The following MSRB3 variants were observed in gnomAD, a reference collection of about 807,000 sequenced individuals.
The protein encoded by MSRB3 is methionine-R-sulfoxide reductase B3.
MSRB3 carries 13 observed loss-of-function variants against 21.0 expected under a neutral mutation model. That is an observed-to-expected ratio of 0.62 (90% CI 0.40 to 0.98). The LOEUF (loss-of-function observed/expected upper bound fraction) is 0.98. MSRB3 is among the 50% of genes least tolerant of loss of function. The pLI, the probability that MSRB3 is intolerant of heterozygous loss-of-function variation, is 0.00. For missense variants in MSRB3, 199 were observed against 230.3 expected, an observed-to-expected ratio of 0.86 and a Z score of 0.88; for synonymous variants, 87 against 88.6, an observed-to-expected ratio of 0.98 and a Z score of 0.10.
intron 5 of MSRB3, 40 bp from the exon 6 acceptor site, chr12:65,453,688 T>C (rs1555214703): frequency 6.9e-7 from 1 of 1,442,180 alleles, no homozygotes; most frequent in South Asian, 1.1e-5. Context: ...GCTGTGTATC[T>C]CTCCTCTCTG....
At chr12:65,330,174 T>TA (rs1396575658) in intron 4 of MSRB3, among the ~76,000 whole-genome samples, 1 of 152,202 alleles carries the variant, frequency 6.6e-6, no homozygotes, top group Non-Finnish European at 1.5e-5. Context: ...AAAGAAAACT[T>TA]ACTGTTTTAA....
intron 5 of MSRB3, chr12:65,419,025 C>G (rs1057389023): frequency 1.3e-5 from 9 of 711,448 alleles, no homozygotes; most frequent in African/African-American, 1.2e-4. Context: ...GCAGGGTGTA[C>G]CAGGCCTCCA....
At chr12:65,419,579 C>A in intron 5 of MSRB3, 1 of 732,238 alleles carries the variant, frequency 1.4e-6, no homozygotes, top group Non-Finnish European at 2.5e-6. Context: ...ACAATGTGGA[C>A]ATTGTCCACA....
At chr12:65,451,932 C>T (rs967424844) in intron 5 of MSRB3, among the ~76,000 whole-genome samples, 3 of 152,180 alleles carry the variant, frequency 2.0e-5, no homozygotes, top group Non-Finnish European at 2.9e-5. Flanking sequence ...TGAATTTAGA[C>T]TCTGCCTTCA....
chr12:65,439,075 A>T (rs1882251610), intron 5 of MSRB3, among the ~76,000 whole-genome samples: 1 of 151,870 alleles, frequency 6.6e-6, no homozygotes, highest in Non-Finnish European at 1.5e-5. Context: ...ACAAAGTATA[A>T]AGAAAGCTTT....
chr12:65,368,553 T>C (rs1878140965), intron 4 of MSRB3, among the ~76,000 whole-genome samples: 1 of 152,192 alleles, frequency 6.6e-6, no homozygotes, highest in Non-Finnish European at 1.5e-5. Context: ...TTATTAAATG[T>C]ATGGGGTTAC....
intron 5 of MSRB3, among the ~76,000 whole-genome samples, chr12:65,450,965 T>C (rs1375421707): frequency 6.6e-6 from 1 of 151,958 alleles, no homozygotes; most frequent in Non-Finnish European, 1.5e-5. Context: ...TTGATTGTCA[T>C]TAAGTACTTA....
intron 1 of MSRB3, 198 bp downstream of exon 1, chr12:65,279,063 C>A (rs558820267): frequency 1.1e-5 from 16 of 1,419,196 alleles, no homozygotes; most frequent in Non-Finnish European, 1.5e-5. Context: ...AGGGGCCGAA[C>A]GGAAGGAGGT....
rs1361909784 is a variant in MSRB3 at position 65,463,745 on chromosome 12, G to A, written c.*423G>A. 9.6e-6 allele frequency: 2 copies of A among 209,274 alleles called. No individual in the cohort carries two copies. The highest frequency in any genetic ancestry group is 1.3e-4 in the East Asian group (1 of 7,738). The allele number at this position is 209,274 out of a possible 1,614,324, so 13.0% of individuals were successfully genotyped here. ...AGACCTGCAAGACACATGGCCTTGA[G>A]GCCTTTGCACAGACCCACCTAAGAT... On this transcript the variant is annotated 3_prime_UTR_variant, in exon 7 of 7. Transcript: ENST00000308259.
At chr12:65,369,178 C>T in intron 5 of MSRB3, 152 bp downstream of exon 5, 1 of 641,086 alleles carries the variant, frequency 1.6e-6, no homozygotes, top group East Asian at 2.8e-5. Flanking sequence ...GGGCTATTGA[C>T]TGCATCAAAT....
intron 5 of MSRB3, among the ~76,000 whole-genome samples, chr12:65,412,751 C>T (rs1880780939): frequency 6.6e-6 from 1 of 151,966 alleles, no homozygotes; most frequent in East Asian, 1.9e-4. Flanking sequence ...AAGAACTGTC[C>T]AAAACTGGGT....
At chr12:65,350,209 C>A (rs1345011095) in intron 4 of MSRB3, among the ~76,000 whole-genome samples, 1 of 151,366 alleles carries the variant, frequency 6.6e-6, no homozygotes, top group Non-Finnish European at 1.5e-5. Context: ...TGTCAAAGAT[C>A]AGATAGTTGT....
intron 1 of MSRB3, among the ~76,000 whole-genome samples, chr12:65,288,307 CAA>C (rs921177297): frequency 1.4e-3 from 86 of 63,590 alleles, no homozygotes; most frequent in Middle Eastern, 0.015. Context: ...GTCCCCCCCG[CAA>C]AAAAAAAAAA....
chr12:65,293,016 G>T (rs921664715), intron 1 of MSRB3, among the ~76,000 whole-genome samples: 2 of 152,090 alleles, frequency 1.3e-5, no homozygotes, highest in African/African-American at 4.8e-5. Flanking sequence ...GTATTCATTT[G>T]CCTCTATATT....
At chr12:65,294,562 A>G (rs934474547) in intron 1 of MSRB3, among the ~76,000 whole-genome samples, 2 of 151,946 alleles carry the variant, frequency 1.3e-5, no homozygotes, top group African/African-American at 4.8e-5. Flanking sequence ...TACTTATTTT[A>G]TTGCCACCTT....
At chr12:65,437,107 G>A (rs1302849544) in intron 5 of MSRB3, among the ~76,000 whole-genome samples, 1 of 151,820 alleles carries the variant, frequency 6.6e-6, no homozygotes, top group African/African-American at 2.4e-5. Context: ...TGAACCTCTT[G>A]AGCTAAATAG....
intron 5 of MSRB3, among the ~76,000 whole-genome samples, chr12:65,425,561 C>T (rs1346066871): frequency 6.6e-6 from 1 of 151,838 alleles, no homozygotes; most frequent in Non-Finnish European, 1.5e-5. Context: ...TTATATAAAA[C>T]ATATTATAGT....
intron 4 of MSRB3, among the ~76,000 whole-genome samples, chr12:65,355,399 C>G (rs1223957772): frequency 6.6e-6 from 1 of 151,806 alleles, no homozygotes; most frequent in Admixed American, 6.6e-5. Flanking sequence ...TAAGGTCAAA[C>G]CAGATAACTA....
intron 5 of MSRB3, among the ~76,000 whole-genome samples, chr12:65,397,553 C>A (rs1332409387): frequency 6.6e-6 from 1 of 152,076 alleles, no homozygotes; most frequent in Non-Finnish European, 1.5e-5. Context: ...TCCATTTTCT[C>A]TATACACTTA....
Sources: allele counts gnomAD v4.1 joint callset (sites outside exome capture counted in the v4.1 genomes callset), GRCh38; gene constraint gnomAD v4.1.1; transcripts MANE v1.5; gene names NCBI Gene and HGNC (gene_info 2026-07-23, HGNC 2026-07-21).